SIPA1L1: variants seen among roughly 807,000 people sequenced by gnomAD.
The protein encoded by SIPA1L1 is signal-induced proliferation-associated 1-like protein 1.
A neutral mutation model predicts 162.7 loss-of-function variants in SIPA1L1; 26 were observed. The observed-to-expected ratio is 0.16, with a 90% CI of 0.12 to 0.22. SIPA1L1 has a LOEUF of 0.22. Among genes scored for constraint, SIPA1L1 ranks in the 10% least tolerant of loss-of-function variants. The pLI, the probability that SIPA1L1 is intolerant of heterozygous loss-of-function variation, is 1.00. For synonymous variants in SIPA1L1, 829 were observed against 837.4 expected, an observed-to-expected ratio of 0.99 and a Z score of 0.17; for missense variants, 1,874 against 2,241.0, an observed-to-expected ratio of 0.84 and a Z score of 3.31.
rs1321584832 is a variant in SIPA1L1, at chr14:71,702,515, C to T, written c.3646+10C>T. The T allele has an allele frequency of 6.2e-7, 1 of 1,612,484 alleles. No homozygotes were observed. Among genetic ancestry groups the T allele is most frequent in the Non-Finnish European group, 8.5e-7 (1 of 1,178,996 alleles). ...ATTGCTGACCAGATGGGTAAGTAATCAATTTCTACAAGAAGAAAGTTGCTT... is the reference window on the plus strand; with the variant it reads ...ATTGCTGACCAGATGGGTAAGTAATTAATTTCTACAAGAAGAAAGTTGCTT... On this transcript the variant is annotated intron_variant, in intron 15 of 23. Coordinates refer to ENST00000381232, the MANE Select transcript of SIPA1L1 (RefSeq NM_001386936.1).
At chr14:71,480,186 G>A (rs530673924) in intron 2 of SIPA1L1, among the ~76,000 whole-genome samples, 198 of 151,306 alleles carry the variant, frequency 1.3e-3, no homozygotes, top group Non-Finnish European at 2.0e-3. Flanking sequence ...AGGTTCAAGC[G>A]ATTCTCCTGC....
chr14:71,505,737 T>C (rs1373305733), intron 2 of SIPA1L1, among the ~76,000 whole-genome samples: 3 of 152,150 alleles, frequency 2.0e-5, no homozygotes, highest in Non-Finnish European at 2.9e-5. Flanking sequence ...AGCACCAACA[T>C]GATGCCGCAC....
chr14:71,335,160 C>T (rs1235693038), intron 2 of SIPA1L1, among the ~76,000 whole-genome samples: 1 of 151,998 alleles, frequency 6.6e-6, no homozygotes, highest in Non-Finnish European at 1.5e-5. Flanking sequence ...ATTAGCCGGG[C>T]GTGGTAGTGG....
At chr14:71,493,896 A>T (rs1398985487) in intron 2 of SIPA1L1, among the ~76,000 whole-genome samples, 1 of 152,222 alleles carries the variant, frequency 6.6e-6, no homozygotes, top group Non-Finnish European at 1.5e-5. Flanking sequence ...AAGGAACTTT[A>T]TACTCCTGAT....
chr14:71,732,157 C>T (rs1272537282), intron 20 of SIPA1L1, among the ~76,000 whole-genome samples: 1 of 152,150 alleles, frequency 6.6e-6, no homozygotes, highest in Non-Finnish European at 1.5e-5. Flanking sequence ...ACAGTAATAA[C>T]CAGCAGCTGT....
At chr14:71,388,034 T>G (rs553724224) in intron 2 of SIPA1L1, among the ~76,000 whole-genome samples, 1 of 152,374 alleles carries the variant, frequency 6.6e-6, no homozygotes, top group South Asian at 2.1e-4. Context: ...TGTTGTTAAC[T>G]GAGATATCAG....
intron 2 of SIPA1L1, among the ~76,000 whole-genome samples, chr14:71,480,076 T>G (rs970276545): frequency 1.3e-5 from 2 of 150,514 alleles, no homozygotes; most frequent in East Asian, 2.0e-4. Flanking sequence ...GACTAGTGTT[T>G]TTTTTGTTTT....
intron 2 of SIPA1L1, chr14:71,330,479 C>T: frequency 6.2e-7 from 1 of 1,606,132 alleles, no homozygotes; most frequent in Admixed American, 1.7e-5. Flanking sequence ...ACAGCTAGAA[C>T]TTGGTCCCCT....
At chr14:71,637,781 A>G (rs1176373602) in intron 7 of SIPA1L1, among the ~76,000 whole-genome samples, 2 of 152,144 alleles carry the variant, frequency 1.3e-5, no homozygotes, top group Admixed American at 6.5e-5. Context: ...CATGGTATAT[A>G]GTTATATAGG....
At chr14:71,332,874 A>C (rs1277948281) in intron 2 of SIPA1L1, among the ~76,000 whole-genome samples, 2 of 152,174 alleles carry the variant, frequency 1.3e-5, no homozygotes, top group African/African-American at 4.8e-5. Context: ...AAATTCTATA[A>C]ATTTATTACT....
At chr14:71,590,021 TAAAAAAAAAA>T (rs200463823) in intron 5 of SIPA1L1, among the ~76,000 whole-genome samples, 1,201 of 84,904 alleles carry the variant, frequency 0.014, 26 homozygotes, top group East Asian at 0.11. Flanking sequence ...AGTGGGAGAG[TAAAAAAAAAA>T]AAAAAAAAAA....
intron 4 of SIPA1L1, chr14:71,574,812 G>C (rs1021672708): frequency 3.3e-5 from 5 of 152,092 alleles, no homozygotes; most frequent in African/African-American, 1.2e-4. Context: ...AAATGATCAA[G>C]TTAATACATT....
At chr14:71,374,441 A>G (rs1199339045) in intron 2 of SIPA1L1, among the ~76,000 whole-genome samples, 1 of 151,752 alleles carries the variant, frequency 6.6e-6, no homozygotes, top group African/African-American at 2.4e-5. Flanking sequence ...CACACTATAG[A>G]TTTTTATTTA....
chr14:71,391,099 G>GT (rs933610894), intron 2 of SIPA1L1, among the ~76,000 whole-genome samples: 2 of 133,350 alleles, frequency 1.5e-5, no homozygotes, highest in African/African-American at 5.3e-5. Flanking sequence ...CCTGTATTCA[G>GT]TATCTTTTTT....
chr14:71,463,174 G>GTT (rs1421217187), intron 2 of SIPA1L1, among the ~76,000 whole-genome samples: 1 of 152,148 alleles, frequency 6.6e-6, no homozygotes, highest in African/African-American at 2.4e-5. Flanking sequence ...ATGCGGTATT[G>GTT]TTTTTGATTT....
intron 2 of SIPA1L1, among the ~76,000 whole-genome samples, chr14:71,388,554 C>CT (rs1345442682): frequency 1.3e-5 from 2 of 152,218 alleles, no homozygotes; most frequent in African/African-American, 4.8e-5. Flanking sequence ...ATTCCAGACT[C>CT]TAGAGGCACT....
At chr14:71,672,203 T>A (rs1217428756) in intron 11 of SIPA1L1, 145 bp from the exon 12 acceptor site, 1 of 744,828 alleles carries the variant, frequency 1.3e-6, no homozygotes, top group Non-Finnish European at 2.2e-6. Flanking sequence ...AATAGGAGAT[T>A]AGTGAAGAGG....
chr14:71,360,256 TA>T (rs1287089878), intron 2 of SIPA1L1, among the ~76,000 whole-genome samples: 4 of 152,262 alleles, frequency 2.6e-5, no homozygotes, highest in Non-Finnish European at 5.9e-5. Flanking sequence ...TATGAATGGT[TA>T]TTTTTATTAT....
intron 5 of SIPA1L1, among the ~76,000 whole-genome samples, chr14:71,594,334 T>G (rs960967372): frequency 1.3e-5 from 2 of 152,208 alleles, no homozygotes; most frequent in African/African-American, 4.8e-5. Flanking sequence ...TGTTATAAAT[T>G]TTAGTGGATT....
Sources: gnomAD v4.1 joint callset for allele counts (sites outside exome capture counted in the v4.1 genomes callset) on GRCh38, gnomAD v4.1.1 for gene constraint, MANE v1.5 for transcripts, NCBI Gene and HGNC (gene_info 2026-07-23, HGNC 2026-07-21) for gene names.